Variants in TGFBR1 observed in about 807,000 individuals in gnomAD.
TGFBR1 encodes the protein TGF-beta receptor type-1.
Under a neutral mutation model 55.1 loss-of-function variants are expected in TGFBR1, and 20 were observed. That is an observed-to-expected ratio of 0.36 (90% confidence interval 0.26 to 0.53). TGFBR1 has a LOEUF of 0.53. TGFBR1 is among the 20% of genes least tolerant of loss of function. TGFBR1 has a pLI of 0.91. For synonymous variants in TGFBR1, 220 were observed against 214.8 expected, an observed-to-expected ratio of 1.02 and a Z score of -0.21; for missense variants, 385 against 617.6, an observed-to-expected ratio of 0.62 and a Z score of 3.99.
chr9:99,108,335 G>T (rs1826473471), intron 1 of TGFBR1, among the ~76,000 whole-genome samples: 1 of 152,172 alleles, frequency 6.6e-6, no homozygotes, highest in Admixed American at 6.5e-5. Context: ...TGAGAAAGTG[G>T]TATTTGAGTT....
In TGFBR1 at chr9:99,151,716, G is replaced by C. The variant is rs11568813; in HGVS notation, c.*2411G>C. The C allele has an allele frequency of 4.5e-6, 1 of 222,556 alleles. No homozygotes were observed. The allele number at this position is 222,556 out of a possible 1,614,324, so 13.8% of individuals were successfully genotyped here. ...GAGTTTAGTTCTAAATTGACTTTACGTATTACTGCAGTTAATTCCTTTTTT... is the reference window on the plus strand; with the variant it reads ...GAGTTTAGTTCTAAATTGACTTTACCTATTACTGCAGTTAATTCCTTTTTT... On this transcript the variant is annotated 3_prime_UTR_variant, in exon 9 of 9. Transcript: ENST00000374994.
chr9:99,112,689 A>C (rs1183667455), intron 1 of TGFBR1, among the ~76,000 whole-genome samples: 1 of 152,200 alleles, frequency 6.6e-6, no homozygotes, highest in African/African-American at 2.4e-5. Flanking sequence ...ATGAAAGAAA[A>C]AAGAATGACT....
chr9:99,141,421 T>C (rs1827613337), intron 4 of TGFBR1, among the ~76,000 whole-genome samples: 1 of 152,228 alleles, frequency 6.6e-6, no homozygotes, highest in African/African-American at 2.4e-5. Context: ...AAATAGAAGC[T>C]GTTTCATGTC....
intron 1 of TGFBR1, among the ~76,000 whole-genome samples, chr9:99,122,206 C>A (rs762811744): frequency 6.6e-6 from 1 of 151,876 alleles, no homozygotes; most frequent in Admixed American, 6.6e-5. Context: ...AGTATTCAAG[C>A]GTATGCATAA....
At chr9:99,145,016 A>C in intron 6 of TGFBR1, 128 bp downstream of exon 6, 1 of 1,088,152 alleles carries the variant, frequency 9.2e-7, no homozygotes, top group Non-Finnish European at 1.3e-6. Flanking sequence ...ACAGGTAAGA[A>C]GATCTCATGG....
intron 4 of TGFBR1, 98 bp downstream of exon 4, chr9:99,138,187 A>C: frequency 2.5e-5 from 26 of 1,047,092 alleles, no homozygotes; most frequent in Non-Finnish European, 3.8e-5. Flanking sequence ...GATGAGACAT[A>C]GATGTCTCTC....
chr9:99,140,465 A>G (rs1827580542), intron 4 of TGFBR1, among the ~76,000 whole-genome samples: 1 of 151,860 alleles, frequency 6.6e-6, no homozygotes, highest in Non-Finnish European at 1.5e-5. Flanking sequence ...CAAAAAAAAA[A>G]CAACAACAAA....
chr9:99,141,880 C>A (rs1392727293), intron 4 of TGFBR1, among the ~76,000 whole-genome samples: 2 of 152,196 alleles, frequency 1.3e-5, no homozygotes, highest in African/African-American at 4.8e-5. Flanking sequence ...TGAGTTTAGT[C>A]CCAGCTTTTC....
rs1827278155 is a variant in TGFBR1, at chr9:99,132,670, C to G, written c.505C>G (p.Pro169Ala). 1 of 1,614,102 alleles carries G rather than the reference C, an allele frequency of 6.2e-7. No individual in the cohort carries two copies. Among genetic ancestry groups the G allele is most frequent in the Non-Finnish European group, 8.5e-7 (1 of 1,180,022 alleles). Residue 169 changes from proline (P) to alanine (A), a missense_variant, in exon 3 of 9, where the codon CCT (proline) becomes GCT (alanine). Coordinates refer to ENST00000374994, the MANE Select transcript of TGFBR1 (RefSeq NM_004612.4). ...PNEEDPSLDR[P>A]FISEGTTLKD... is the part of the protein sequence containing the mutation. ...TGAAGAGGACCCTTCATTAGATCGC[C>G]CTTTTATTTCAGAGGGTACTACGTT... is the stretch of plus-strand genomic sequence containing the variant.
intron 1 of TGFBR1, chr9:99,128,629 G>C: frequency 1.5e-6 from 1 of 668,706 alleles, no homozygotes; most frequent in Non-Finnish European, 2.6e-6. Context: ...AAAAAACCTG[G>C]GTCCAAATGT....
intron 1 of TGFBR1, among the ~76,000 whole-genome samples, chr9:99,123,133 T>A (rs961420730): frequency 6.6e-6 from 1 of 152,118 alleles, no homozygotes; most frequent in Non-Finnish European, 1.5e-5. Flanking sequence ...ACACTTCTGG[T>A]CCTGAGCATT....
rs1438914096 is a variant in TGFBR1, at chr9:99,138,232, A to G, written c.805+143A>G. On this transcript the variant is annotated intron_variant, in intron 4 of 8. Coordinates refer to ENST00000374994, the MANE Select transcript of TGFBR1 (RefSeq NM_004612.4). The stretch of plus-strand genomic sequence containing the variant: ...AGACCCATTAAGTCGAATACAATAT[A>G]TTAGTAACTTTTAGAACTAGGAACT... 29 of 707,320 alleles carry G rather than the reference A, an allele frequency of 4.1e-5. No individual in the cohort carries two copies. The East Asian group carries it at 6.3e-4, about 15-fold the overall frequency. 43.8% of individuals were successfully genotyped at this position (707,320 alleles called of 1,614,324 possible). A position where few individuals can be genotyped will look rare whatever the true frequency, so the allele number is the denominator to read the frequency against.
rs1057524105 is a variant in TGFBR1, at chr9:99,132,584, C to T, written c.419C>T (p.Ser140Leu). 1 of 1,614,212 alleles carries T rather than the reference C, an allele frequency of 6.2e-7. No homozygotes were observed. The highest frequency in any genetic ancestry group is 2.2e-5 in the East Asian group (1 of 44,886). ...IAGPVCFVCI[S>L]LMLMVYICHN... ...GGACCAGTGTGCTTCGTCTGCATCT[C>T]ACTCATGTTGATGGTCTATATCTGC... is the stretch of plus-strand genomic sequence containing the variant. Residue 140 changes from serine (S) to leucine (L), a missense_variant, in exon 3 of 9, where the codon TCA becomes TTA. Ser to Leu is a moderately radical substitution (Grantham distance 145, BLOSUM62 -2). Transcript: ENST00000374994.
At chr9:99,144,698 T>C in intron 5 of TGFBR1, 34 bp from the exon 6 acceptor site, 1 of 1,612,832 alleles carries the variant, frequency 6.2e-7, no homozygotes, top group Non-Finnish European at 8.5e-7. Flanking sequence ...GGTATTACCT[T>C]TTAAGCAGTC....
chr9:99,134,176 T>C (rs1008325142), intron 3 of TGFBR1, among the ~76,000 whole-genome samples: 2 of 152,224 alleles, frequency 1.3e-5, no homozygotes, highest in Admixed American at 1.3e-4. Flanking sequence ...GAATATATAT[T>C]GGTATGTATG....
chr9:99,116,673 AC>A lies in TGFBR1; in HGVS notation c.97+11377del, dbSNP rs556029006. On this transcript the variant is annotated intron_variant, in intron 1 of 8. Transcript: ENST00000374994. Reference sequence around the variant, plus strand: ...ATAGATCCTTATCTTTTAATAACCAACCCCCCACTTTCTTCAGTAGCCATGA... The same window carrying A: ...ATAGATCCTTATCTTTTAATAACCAACCCCCACTTTCTTCAGTAGCCATGA... Among the ~76,000 whole-genome samples, 12 of 151,978 alleles carry A rather than the reference AC, an allele frequency of 7.9e-5. No homozygotes were observed. The South Asian group carries it at 2.1e-3, about 26-fold the overall frequency.
upstream of TGFBR1, among the ~76,000 whole-genome samples, chr9:99,104,661 A>G (rs546309320): frequency 6.6e-6 from 1 of 152,188 alleles, no homozygotes; most frequent in African/African-American, 2.4e-5. Flanking sequence ...GGGATTGCCA[A>G]TGCGGAGCTG....
At chr9:99,132,394 C>T in intron 2 of TGFBR1, 115 bp from the exon 3 acceptor site, 1 of 1,534,640 alleles carries the variant, frequency 6.5e-7, no homozygotes, top group Non-Finnish European at 8.8e-7. Context: ...GGCTCTTTGG[C>T]TAAGTGGTGG....
Position 99,129,157 on chromosome 9 carries a change from T to C in TGFBR1, c.343+57T>C, listed in dbSNP as rs973082182. 88 of 1,581,598 alleles carry C rather than the reference T, an allele frequency of 5.6e-5. No homozygotes were observed. The African/African-American group carries it at 1.1e-3, about 19-fold the overall frequency. ...TACAAGAAAAACTCTTCATACTCTG[T>C]GATTTTAGAACTGGAAGGGATCATA... On this transcript the variant is annotated intron_variant, in intron 2 of 8. Transcript: ENST00000374994.
Sources: allele counts gnomAD v4.1 joint callset (sites outside exome capture counted in the v4.1 genomes callset), GRCh38; gene constraint gnomAD v4.1.1; transcripts MANE v1.5; gene names NCBI Gene and HGNC (gene_info 2026-07-23, HGNC 2026-07-21).